Variants in NSUN7 observed in about 807,000 individuals in gnomAD.
NSUN7 encodes NOP2/Sun RNA methyltransferase family member 7.
Under a neutral mutation model 58.5 loss-of-function variants are expected in NSUN7, and 39 were observed. The ratio of observed to expected loss-of-function variants is 0.67; its 90% CI spans 0.52 to 0.87. NSUN7 has a LOEUF of 0.87. Among genes scored for constraint, NSUN7 ranks in the 40% least tolerant of loss-of-function variants. The pLI is 0.00. For synonymous variants in NSUN7, 278 were observed against 303.7 expected (o/e 0.92, Z 0.88); for missense variants, 765 against 844.1 (o/e 0.91, Z 1.16).
chr4:40,752,067 C>A (rs74948437), intron 2 of NSUN7, among the ~76,000 whole-genome samples: 82 of 152,266 alleles, frequency 5.4e-4, no homozygotes, highest in African/African-American at 1.9e-3. Context: ...TGTTTGTTTT[C>A]GTACTAGCTG....
Position 40,797,514 on chromosome 4 carries a change from C to T in NSUN7, c.1283-1273C>T, listed in dbSNP as rs60231215. Reference sequence around the variant, plus strand: ...TTAATGATAGTTGTAGCCTTCCACCCGCTTAGGCTAAAAACGTTAGCATTA... The same window carrying T: ...TTAATGATAGTTGTAGCCTTCCACCTGCTTAGGCTAAAAACGTTAGCATTA... On this transcript the variant is annotated intron_variant, in intron 9 of 11. Transcript: ENST00000381782. Among the ~76,000 whole-genome samples the T allele has an allele frequency of 1.3e-3, 204 of 152,304 alleles. 2 individuals are homozygous for T. In the East Asian group the frequency reaches 0.02, roughly 15 times the overall value.
intron 2 of NSUN7, among the ~76,000 whole-genome samples, chr4:40,757,735 C>T (rs929978528): frequency 7.4e-5 from 11 of 147,852 alleles, no homozygotes; most frequent in African/African-American, 2.0e-4. Flanking sequence ...TACACACACA[C>T]ACACACACAC....
intron 8 of NSUN7, among the ~76,000 whole-genome samples, chr4:40,791,157 A>G (rs960680177): frequency 1.3e-5 from 2 of 152,226 alleles, no homozygotes; most frequent in Non-Finnish European, 2.9e-5. Flanking sequence ...GTTTGACTCT[A>G]GAGCCTATGT....
intron 4 of NSUN7, among the ~76,000 whole-genome samples, chr4:40,768,297 G>A (rs918249544): frequency 2.0e-5 from 3 of 150,828 alleles, no homozygotes; most frequent in African/African-American, 7.3e-5. Flanking sequence ...CACCTCCTGA[G>A]CTCAAGCAGT....
chr4:40,761,346 G>T (rs754758959), intron 4 of NSUN7, 45 bp downstream of exon 4: 7 of 1,492,796 alleles, frequency 4.7e-6, no homozygotes, highest in Non-Finnish European at 6.4e-6. Context: ...AACCTACATT[G>T]GTATTGTTAT....
chr4:40,787,993 C>A (rs1577573439), intron 7 of NSUN7, among the ~76,000 whole-genome samples: 1 of 152,110 alleles, frequency 6.6e-6, no homozygotes, highest in Non-Finnish European at 1.5e-5. Context: ...GGCCATGACG[C>A]CTGGCTAATT....
intron 9 of NSUN7, among the ~76,000 whole-genome samples, chr4:40,797,926 C>A (rs974927655): frequency 2.6e-5 from 4 of 152,200 alleles, no homozygotes; most frequent in African/African-American, 7.2e-5. Context: ...CTGGAACATA[C>A]CAGCACCATG....
At chr4:40,761,432 T>C in intron 4 of NSUN7, 131 bp downstream of exon 4, 1 of 705,058 alleles carries the variant, frequency 1.4e-6, no homozygotes, top group Non-Finnish European at 2.2e-6. Context: ...TTCATAAAAT[T>C]CTTGAATTTC....
At chr4:40,766,523 G>A (rs1741735919) in intron 4 of NSUN7, among the ~76,000 whole-genome samples, 1 of 152,168 alleles carries the variant, frequency 6.6e-6, no homozygotes, top group African/African-American at 2.4e-5. Flanking sequence ...TGTTCATCAA[G>A]GATATTGGTC....
intron 4 of NSUN7, among the ~76,000 whole-genome samples, chr4:40,767,632 C>CT (rs1022937717): frequency 9.9e-5 from 15 of 152,230 alleles, no homozygotes; most frequent in African/African-American, 3.1e-4. Context: ...CAAGAGTCTT[C>CT]TTAGCTTTCA....
chr4:40,802,680 T>C (rs1283437561), intron 10 of NSUN7, among the ~76,000 whole-genome samples: 2 of 152,098 alleles, frequency 1.3e-5, no homozygotes, highest in Non-Finnish European at 2.9e-5. Context: ...TATTGAAACC[T>C]ACAGTAGGAA....
At chr4:40,797,584 GAGGT>G (rs1363325960) in intron 9 of NSUN7, among the ~76,000 whole-genome samples, 1 of 152,152 alleles carries the variant, frequency 6.6e-6, no homozygotes, top group African/African-American at 2.4e-5. Context: ...GTCAGTGTAT[GAGGT>G]AGGTTCTACA....
At chr4:40,780,304 A>G (rs946010007) in intron 7 of NSUN7, among the ~76,000 whole-genome samples, 6 of 151,956 alleles carry the variant, frequency 3.9e-5, no homozygotes, top group African/African-American at 1.2e-4. Flanking sequence ...CAATCAATCA[A>G]TCAATAAAGG....
chr4:40,783,538 A>G (rs1016611747), intron 7 of NSUN7, among the ~76,000 whole-genome samples: 4 of 152,166 alleles, frequency 2.6e-5, no homozygotes, highest in African/African-American at 9.7e-5. Flanking sequence ...TTGTGCTTCA[A>G]AGTCACTATC....
chr4:40,762,457 G>A (rs950955273), intron 4 of NSUN7: 2 of 152,106 alleles, frequency 1.3e-5, no homozygotes, highest in Non-Finnish European at 2.9e-5. Flanking sequence ...ATTATTGAAG[G>A]CTGAGACCAG....
intron 4 of NSUN7, among the ~76,000 whole-genome samples, chr4:40,768,116 T>C (rs1741824341): frequency 6.6e-6 from 1 of 152,192 alleles, no homozygotes; most frequent in Non-Finnish European, 1.5e-5. Context: ...CTTGAGACTG[T>C]AGTTCCCAAG....
At chr4:40,806,478 T>A (rs989393790) in intron 10 of NSUN7, among the ~76,000 whole-genome samples, 10 of 152,202 alleles carry the variant, frequency 6.6e-5, no homozygotes, top group Non-Finnish European at 5.9e-5. Flanking sequence ...AACTGAAATT[T>A]TCATTTTAAA....
chr4:40,809,205 T>C lies in NSUN7; in HGVS notation c.*266T>C. 3.1e-6 allele frequency: 1 copy of C among 325,280 alleles called. No individual in the cohort carries two copies. The allele number at this position is 325,280 out of a possible 1,614,324, so 20.1% of individuals were successfully genotyped here. A position where few individuals can be genotyped will look rare whatever the true frequency, so the allele number is the denominator to read the frequency against. ...ACTCAGTATCAGCGGTCAGAACTTA[T>C]CTCACTCCTGTGAACTTTCAGGCTG... On this transcript the variant is annotated 3_prime_UTR_variant, in exon 12 of 12. Coordinates refer to ENST00000381782, the MANE Select transcript of NSUN7 (RefSeq NM_024677.6).
intron 9 of NSUN7, among the ~76,000 whole-genome samples, chr4:40,794,986 A>C (rs2154288853): frequency 6.6e-6 from 1 of 152,326 alleles, no homozygotes; most frequent in South Asian, 2.1e-4. Context: ...TGCTTTAATC[A>C]CTTCATTTAG....
Sources: allele counts gnomAD v4.1 joint callset (sites outside exome capture counted in the v4.1 genomes callset), GRCh38; gene constraint gnomAD v4.1.1; transcripts MANE v1.5; gene names NCBI Gene and HGNC (gene_info 2026-07-23, HGNC 2026-07-21).